Variants in TPM1 observed in about 807,000 individuals in gnomAD.
The protein encoded by TPM1 is tropomyosin alpha-1 chain.
TPM1 carries 24 observed loss-of-function variants against 42.9 expected under a neutral mutation model. The ratio of observed to expected loss-of-function variants is 0.56; its 90% CI spans 0.41 to 0.79. The LOEUF (loss-of-function observed/expected upper bound fraction) is 0.79. TPM1 is among the 30% of genes least tolerant of loss of function. The pLI is 0.00. For missense variants in TPM1, 158 were observed against 351.8 expected (o/e 0.45, Z 4.41); for synonymous variants, 136 against 130.1 (o/e 1.05, Z -0.31).
At chr15:63,057,583 C>G (rs2035004827) in intron 3 of TPM1, among the ~76,000 whole-genome samples, 1 of 152,176 alleles carries the variant, frequency 6.6e-6, no homozygotes, top group Non-Finnish European at 1.5e-5. Context: ...AAACACAAAG[C>G]AGAAACATGG....
intron 8 of TPM1, chr15:63,063,445 C>A (rs1432577304): frequency 3.3e-6 from 3 of 916,406 alleles, no homozygotes; most frequent in Admixed American, 6.2e-5. Flanking sequence ...TAAAGTGTGG[C>A]GCCCATTGCT....
chr15:63,071,720 C>G (rs1327568673), exon 9 of TPM1: 1 of 169,392 alleles, frequency 5.9e-6, no homozygotes, highest in African/African-American at 2.4e-5. Flanking sequence ...CCATTCCTTT[C>G]TGATTGGCAC....
In TPM1 at chr15:63,061,098, C is replaced by T. The variant is rs543375550; in HGVS notation, c.563+159C>T. 122 of 1,458,298 alleles carry T rather than the reference C, an allele frequency of 8.4e-5. No individual in the cohort carries two copies. In the African/African-American group the frequency reaches 1.4e-3, roughly 17 times the overall value. 90.3% of individuals were successfully genotyped at this position (1,458,298 alleles called of 1,614,324 possible). ...CCACGAGTATGGAACATGGAGGACT[C>T]GTGTGGGGTGTCTTATGTATGAATG... On this transcript the variant is annotated intron_variant, in intron 5 of 9. Coordinates refer to ENST00000403994, the MANE Select transcript of TPM1 (RefSeq NM_001018005.2).
At chr15:63,070,159 T>C (rs1015513850), downstream of TPM1, 1 of 1,388,438 alleles carries the variant, frequency 7.2e-7, no homozygotes, top group African/African-American at 1.5e-5. Context: ...GCTTTTATGG[T>C]AGAATACTTA....
chr15:63,065,928 C>G lies in TPM1; in HGVS notation c.*29C>G. On this transcript the variant is annotated 3_prime_UTR_variant, in exon 10 of 10. Coordinates refer to ENST00000403994, the MANE Select transcript of TPM1 (RefSeq NM_001018005.2). ...TCTTTGCTTCACTTCTCCCAAGACT[C>G]CCTCGTCGAGCTGGATGTCCCACCT... 1 of 1,610,042 alleles carries G rather than the reference C, an allele frequency of 6.2e-7. No individual in the cohort carries two copies. The highest frequency in any genetic ancestry group is 8.5e-7 in the Non-Finnish European group (1 of 1,178,312).
intron 9 of TPM1, 191 bp downstream of exon 9, chr15:63,064,333 A>G (rs564233725): frequency 2.0e-6 from 3 of 1,463,686 alleles, no homozygotes; most frequent in Non-Finnish European, 1.8e-6. Flanking sequence ...AAGTCTGTCT[A>G]TACAAACCAT....
chr15:63,054,799 G>A (rs1035714816), intron 2 of TPM1, among the ~76,000 whole-genome samples: 2 of 152,314 alleles, frequency 1.3e-5, no homozygotes, highest in Admixed American at 6.5e-5. Context: ...ACACTCTATG[G>A]AGGCTTTTTG....
chr15:63,051,569 A>G (rs1217411564), intron 2 of TPM1, among the ~76,000 whole-genome samples: 4 of 152,190 alleles, frequency 2.6e-5, no homozygotes, highest in African/African-American at 9.6e-5. Context: ...TTACCATATA[A>G]GGGCAGAAGT....
intron 2 of TPM1, among the ~76,000 whole-genome samples, chr15:63,052,805 G>A (rs966490256): frequency 1.3e-5 from 2 of 152,010 alleles, no homozygotes; most frequent in South Asian, 2.1e-4. Flanking sequence ...GCTAGTAAAG[G>A]TGAGAGGTGT....
chr15:63,070,306 A>ATG (rs1555411994), downstream of TPM1: 890 of 674,412 alleles, frequency 1.3e-3, 3 homozygotes, highest in African/African-American at 7.1e-3. Context: ...ATATATATAT[A>ATG]TGTGTGTGTG....
intron 5 of TPM1, chr15:63,061,362 C>A: frequency 8.4e-7 from 1 of 1,191,832 alleles, no homozygotes; most frequent in Non-Finnish European, 1.2e-6. Flanking sequence ...GGTATAACGA[C>A]TGCACCTTCA....
intron 2 of TPM1, chr15:63,048,485 GGGCAGCCAGGACAGCCGC>G: frequency 2.1e-6 from 3 of 1,432,428 alleles, no homozygotes; most frequent in South Asian, 1.4e-5. Flanking sequence ...GACCGGCGCT[GGGCAGCCAGGACAGCCGC>G]GGCAGCCGGG....
intron 2 of TPM1, chr15:63,048,068 C>T (rs1235586577): frequency 7.0e-5 from 25 of 358,480 alleles, no homozygotes; most frequent in Non-Finnish European, 1.2e-4. Context: ...CGGCTCCAGA[C>T]CCGCCGCTCA....
intron 3 of TPM1, among the ~76,000 whole-genome samples, chr15:63,057,721 T>C (rs2035020648): frequency 6.6e-6 from 1 of 152,236 alleles, no homozygotes. Context: ...GAATTATTAC[T>C]CAGATTCAGC....
chr15:63,067,250 G>T (rs2036333849), downstream of TPM1, among the ~76,000 whole-genome samples: 1 of 152,152 alleles, frequency 6.6e-6, no homozygotes, highest in South Asian at 2.1e-4. Context: ...AAGCATAGAG[G>T]AAATACTTTT....
intron 2 of TPM1, chr15:63,044,600 C>T (rs1322799164): frequency 2.2e-5 from 7 of 316,142 alleles, no homozygotes; most frequent in Non-Finnish European, 3.0e-5. Context: ...AGAACCTGGC[C>T]TCTAAATGAA....
At chr15:63,071,782 C>CT in exon 9 of TPM1, 1 of 156,736 alleles carries the variant, frequency 6.4e-6, no homozygotes, top group South Asian at 1.9e-4. Flanking sequence ...GATTTCCACT[C>CT]TTTTCAGTCC....
chr15:63,045,677 A>G (rs1226263726), intron 2 of TPM1: 2 of 152,236 alleles, frequency 1.3e-5, no homozygotes, highest in Non-Finnish European at 1.5e-5. Flanking sequence ...TCTTAAGGGA[A>G]AAAAATAGGA....
intron 2 of TPM1, among the ~76,000 whole-genome samples, chr15:63,052,499 G>A (rs1017904340): frequency 2.6e-5 from 4 of 151,048 alleles, no homozygotes; most frequent in African/African-American, 7.3e-5. Flanking sequence ...CTCCAGCCTG[G>A]GAGACAGAGC....
Sources: allele counts gnomAD v4.1 joint callset (sites outside exome capture counted in the v4.1 genomes callset), GRCh38; gene constraint gnomAD v4.1.1; transcripts MANE v1.5; gene names NCBI Gene and HGNC (gene_info 2026-07-23, HGNC 2026-07-21).